Variants in THEMIS observed in about 807,000 individuals in gnomAD.
The protein encoded by THEMIS is protein THEMIS.
THEMIS carries 37 observed loss-of-function variants against 52.6 expected under a neutral mutation model. The observed-to-expected ratio is 0.70, with a 90% CI of 0.54 to 0.93. The LOEUF is 0.93. THEMIS is among the 40% of genes least tolerant of loss of function. The pLI, the probability that THEMIS is intolerant of heterozygous loss-of-function variation, is 0.00. For synonymous variants in THEMIS, 292 were observed against 272.7 expected (o/e 1.07, Z -0.70); for missense variants, 808 against 763.1 (o/e 1.06, Z -0.69).
rs143591913 is a variant in THEMIS at position 127,855,043 on chromosome 6, A to C, written c.237T>G (p.Pro79=). The C allele has an allele frequency of 1.2e-5, 20 of 1,604,664 alleles. No individual in the cohort carries two copies. Among genetic ancestry groups the C allele is most frequent in the Non-Finnish European group, 1.7e-5 (20 of 1,176,428 alleles). ...AATGTGCTGTACCTGGAAAATTCAT[A>C]GGCAGTTCAAATGGCTGTAGAGACT... ...GCESLQPFEL[P]MNFPGLFKIV... Residue 79 remains proline (P), a synonymous_variant, in exon 2 of 6, where the codon CCT becomes CCG. Coordinates refer to ENST00000368248, the MANE Select transcript of THEMIS (RefSeq NM_001010923.3).
intron 4 of THEMIS, among the ~76,000 whole-genome samples, chr6:127,802,797 C>T (rs960769494): frequency 6.6e-6 from 1 of 152,168 alleles, no homozygotes. Flanking sequence ...TTTCTCCCAT[C>T]CTTCCCCAAG....
intron 1 of THEMIS, among the ~76,000 whole-genome samples, chr6:127,875,822 C>G (rs549398436): frequency 2.0e-5 from 3 of 152,246 alleles, no homozygotes; most frequent in Admixed American, 6.5e-5. Flanking sequence ...TGTCATGTGT[C>G]ACCTTGATTG....
intron 2 of THEMIS, among the ~76,000 whole-genome samples, chr6:127,836,487 G>A (rs762687021): frequency 6.6e-6 from 1 of 152,032 alleles, no homozygotes; most frequent in Non-Finnish European, 1.5e-5. Flanking sequence ...TGTTACCCAT[G>A]GTTATACAAA....
At chr6:127,772,505 A>T (rs2114444394) in intron 4 of THEMIS, among the ~76,000 whole-genome samples, 1 of 152,240 alleles carries the variant, frequency 6.6e-6, no homozygotes, top group African/African-American at 2.4e-5. Context: ...TTTTAAGGAA[A>T]AGTTCTAGCA....
chr6:127,711,309 T>C (rs953170202), intron 5 of THEMIS, among the ~76,000 whole-genome samples: 2 of 152,006 alleles, frequency 1.3e-5, no homozygotes, highest in African/African-American at 2.4e-5. Flanking sequence ...TCATGATGTG[T>C]GTGAAACACA....
intron 4 of THEMIS, among the ~76,000 whole-genome samples, chr6:127,780,054 A>G (rs1036777024): frequency 6.6e-6 from 1 of 152,154 alleles, no homozygotes; most frequent in Non-Finnish European, 1.5e-5. Context: ...TAGGTCTCTA[A>G]GAACTTGCTT....
At position 127,747,791 on chromosome 6, in the gene THEMIS, C is replaced by T. The variant is rs534511260; in HGVS notation, c.1759-27968G>A. Among the ~76,000 whole-genome samples, 4 of 152,168 alleles carry T rather than the reference C, an allele frequency of 2.6e-5. No individual in the cohort carries two copies. The East Asian group carries it at 5.8e-4, about 22-fold the overall frequency. On this transcript the variant is annotated intron_variant, in intron 4 of 5. Transcript: ENST00000368248. ...CACAGGCCAGCCAAAGGATATTTAA[C>T]TGACATAATAAATCTGTATCTTACT...
At chr6:127,734,865 T>C (rs1774935477) in intron 4 of THEMIS, among the ~76,000 whole-genome samples, 1 of 74,012 alleles carries the variant, frequency 1.4e-5, no homozygotes, top group African/African-American at 5.9e-5. Flanking sequence ...CAAGGCTCTG[T>C]CTCAAAAAAA....
intron 3 of THEMIS, among the ~76,000 whole-genome samples, chr6:127,828,994 G>A (rs1474824855): frequency 2.6e-5 from 4 of 152,140 alleles, no homozygotes; most frequent in Non-Finnish European, 5.9e-5. Flanking sequence ...GAGGGGCTCT[G>A]GGTTAGTAGA....
intron 1 of THEMIS, among the ~76,000 whole-genome samples, chr6:127,864,398 G>A (rs1779905966): frequency 6.6e-6 from 1 of 152,074 alleles, no homozygotes; most frequent in Non-Finnish European, 1.5e-5. Flanking sequence ...AGAAGTAAAA[G>A]CCAGGTCTTG....
intron 1 of THEMIS, among the ~76,000 whole-genome samples, chr6:127,860,174 A>G (rs747544412): frequency 1.3e-5 from 2 of 152,164 alleles, no homozygotes; most frequent in African/African-American, 2.4e-5. Context: ...GATGGTCTGC[A>G]TTTCCTGTAA....
chr6:127,902,324 CAA>C (rs35320887), upstream of THEMIS, among the ~76,000 whole-genome samples: 5,299 of 109,730 alleles, frequency 0.048, 547 homozygotes, highest in East Asian at 0.38. Context: ...GACTCTGTCT[CAA>C]AAAAAAAAAA....
intron 4 of THEMIS, among the ~76,000 whole-genome samples, chr6:127,798,971 G>A (rs1240541346): frequency 5.2e-5 from 7 of 135,060 alleles, no homozygotes; most frequent in Non-Finnish European, 7.7e-5. Flanking sequence ...CAGCCTGGGC[G>A]ACAGAGCGAG....
intron 4 of THEMIS, among the ~76,000 whole-genome samples, chr6:127,738,085 G>A (rs1388702271): frequency 6.6e-6 from 1 of 151,998 alleles, no homozygotes; most frequent in African/African-American, 2.4e-5. Context: ...AAAGCTACGG[G>A]TAAATCCTAC....
intron 4 of THEMIS, among the ~76,000 whole-genome samples, chr6:127,793,671 C>G (rs1012853716): frequency 2.0e-5 from 3 of 152,116 alleles, no homozygotes; most frequent in East Asian, 3.9e-4. Flanking sequence ...TATAGCAAAG[C>G]AACCTGTAGA....
chr6:127,749,157 TG>T (rs1775550075), intron 4 of THEMIS, among the ~76,000 whole-genome samples: 1 of 152,134 alleles, frequency 6.6e-6, no homozygotes, highest in Non-Finnish European at 1.5e-5. Context: ...TTATGCCTTT[TG>T]GATCTAGAGC....
chr6:127,733,239 A>G (rs1774871586), intron 4 of THEMIS, among the ~76,000 whole-genome samples: 1 of 152,170 alleles, frequency 6.6e-6, no homozygotes, highest in South Asian at 2.1e-4. Flanking sequence ...TATTCTGAAC[A>G]CAAATTTTTT....
chr6:127,714,668 A>C (rs1006316708), intron 5 of THEMIS, among the ~76,000 whole-genome samples: 5 of 152,068 alleles, frequency 3.3e-5, no homozygotes, highest in African/African-American at 4.8e-5. Context: ...AACAAATGTG[A>C]CATTCTTTGA....
intron 4 of THEMIS, among the ~76,000 whole-genome samples, chr6:127,723,636 A>G (rs1462753819): frequency 2.0e-5 from 3 of 151,988 alleles, no homozygotes; most frequent in Admixed American, 2.0e-4. Context: ...ATGTCCTTTC[A>G]GGTCCACAAT....
Sources: allele counts gnomAD v4.1 joint callset (sites outside exome capture counted in the v4.1 genomes callset), GRCh38; gene constraint gnomAD v4.1.1; transcripts MANE v1.5; gene names NCBI Gene and HGNC (gene_info 2026-07-23, HGNC 2026-07-21).